TPO: variants seen among roughly 807,000 people sequenced by gnomAD.
TPO encodes the protein thyroid peroxidase.
Under a neutral mutation model 96.9 loss-of-function variants are expected in TPO, and 78 were observed. The observed-to-expected ratio is 0.81, with a 90% CI of 0.67 to 0.97. TPO has a LOEUF of 0.97. TPO is among the 50% of genes least tolerant of loss of function. TPO has a pLI of 0.00. For missense variants in TPO, 1,252 were observed against 1,274.8 expected (o/e 0.98, Z 0.27); for synonymous variants, 547 against 538.0 (o/e 1.02, Z -0.23).
intron 3 of TPO, 120 bp from the exon 4 acceptor site, chr2:1,433,318 C>T (rs892522956): frequency 7.7e-6 from 10 of 1,299,948 alleles, no homozygotes; most frequent in African/African-American, 4.4e-5. Context: ...CCCGCAGTGC[C>T]TGTCACATTG....
rs143045901 is a variant in TPO, at chr2:1,426,090, A to C, written c.179+2961A>C. Among the ~76,000 whole-genome samples, 89 of 145,332 alleles carry C rather than the reference A, an allele frequency of 6.1e-4. 6 individuals are homozygous for C. Among genetic ancestry groups the C allele is most frequent in the Middle Eastern group, 4.4e-3 (1 of 228 alleles). On this transcript the variant is annotated intron_variant, in intron 3 of 16. Transcript: ENST00000329066. The stretch of plus-strand genomic sequence containing the variant: ...TTCTAGATGCTGGGATACAGAGATG[A>C]GTTTGATCATTTCATATCCTCAGAA...
chr2:1,472,865 T>A (rs995622961), intron 7 of TPO, among the ~76,000 whole-genome samples: 1 of 141,110 alleles, frequency 7.1e-6, no homozygotes, highest in Admixed American at 7.5e-5. Context: ...GAGAGAGAGA[T>A]ATTTCGTTGT....
chr2:1,385,857 A>T (rs1248105816), intron 1 of TPO, among the ~76,000 whole-genome samples: 1 of 152,126 alleles, frequency 6.6e-6, no homozygotes, highest in East Asian at 1.9e-4. Context: ...ATTTAGTGCT[A>T]TAAATTTCCC....
chr2:1,480,738 T>TCATCCGTCCACACCACCTTC (rs1558338737), intron 8 of TPO, among the ~76,000 whole-genome samples: 1 of 56,308 alleles, frequency 1.8e-5, no homozygotes, highest in South Asian at 4.5e-4. Context: ...AAACCATGTT[T>TCATCCGTCCACACCACCTTC]CTCCTGCTGC....
intron 15 of TPO, among the ~76,000 whole-genome samples, chr2:1,532,919 C>A (rs1462915165): frequency 8.8e-6 from 1 of 114,242 alleles, no homozygotes. Flanking sequence ...TGTGCAACCT[C>A]GCAAAATCTC....
At chr2:1,501,941 A>T (rs1672914478) in intron 13 of TPO, among the ~76,000 whole-genome samples, 1 of 152,096 alleles carries the variant, frequency 6.6e-6, no homozygotes, top group African/African-American at 2.4e-5. Context: ...ACTCATAAGG[A>T]TGAGTCTGAA....
At position 1,423,149 on chromosome 2, in the gene TPO, C is replaced by T. The variant is rs1324569521; in HGVS notation, c.179+20C>T. 14 of 1,611,286 alleles carry T rather than the reference C, an allele frequency of 8.7e-6. No homozygotes were observed. Among genetic ancestry groups the T allele is most frequent in the South Asian group, 2.2e-5 (2 of 90,982 alleles). On this transcript the variant is annotated intron_variant, in intron 3 of 16. Transcript: ENST00000329066. Reference sequence around the variant, plus strand: ...GCAGAGGTGAGCCTTGCGGAGGGGCCGCCGCCCCAAATGCCACCGACAGGC... The same window carrying T: ...GCAGAGGTGAGCCTTGCGGAGGGGCTGCCGCCCCAAATGCCACCGACAGGC...
At chr2:1,408,319 C>T (rs903311030) in intron 1 of TPO, among the ~76,000 whole-genome samples, 1 of 152,204 alleles carries the variant, frequency 6.6e-6, no homozygotes, top group Non-Finnish European at 1.5e-5. Context: ...ATCAGCTCCT[C>T]TCCCTGTGAA....
chr2:1,420,273 G>T (rs1663373461), intron 2 of TPO, among the ~76,000 whole-genome samples: 1 of 152,184 alleles, frequency 6.6e-6, no homozygotes, highest in Non-Finnish European at 1.5e-5. Context: ...CCGTTTCCAA[G>T]CATAGTAGAG....
intron 3 of TPO, among the ~76,000 whole-genome samples, chr2:1,430,846 A>G (rs1238205374): frequency 6.6e-6 from 1 of 152,252 alleles, no homozygotes. Context: ...ATGGAAAAAT[A>G]TACCCAATGC....
chr2:1,397,491 AG>A (rs2148368247), intron 1 of TPO, among the ~76,000 whole-genome samples: 1 of 152,264 alleles, frequency 6.6e-6, no homozygotes, highest in South Asian at 2.1e-4. Context: ...TCCAGTGCAG[AG>A]GGACTCCCAT....
At chr2:1,531,546 ACT>A (rs1678251441) in intron 15 of TPO, among the ~76,000 whole-genome samples, 1 of 60,092 alleles carries the variant, frequency 1.7e-5, no homozygotes, top group Non-Finnish European at 3.3e-5. Context: ...AATCCCTCCC[ACT>A]CTGTGCAAAC....
intron 3 of TPO, among the ~76,000 whole-genome samples, chr2:1,427,120 C>T (rs1664495391): frequency 6.6e-6 from 1 of 152,236 alleles, no homozygotes; most frequent in Non-Finnish European, 1.5e-5. Context: ...TGTTTACGCT[C>T]ATTCCCTGAG....
intron 11 of TPO, among the ~76,000 whole-genome samples, chr2:1,494,289 C>T (rs1672103981): frequency 6.6e-6 from 1 of 152,220 alleles, no homozygotes; most frequent in Non-Finnish European, 1.5e-5. Context: ...TAGATCCAAC[C>T]ACACGAGCAA....
chr2:1,516,355 G>T (rs920150674), intron 14 of TPO, among the ~76,000 whole-genome samples: 2 of 152,210 alleles, frequency 1.3e-5, no homozygotes, highest in African/African-American at 4.8e-5. Flanking sequence ...TCCCCCCAGG[G>T]CTCCAGCTCT....
intron 1 of TPO, among the ~76,000 whole-genome samples, chr2:1,393,197 G>T (rs1662030285): frequency 1.3e-5 from 2 of 152,178 alleles, no homozygotes; most frequent in African/African-American, 4.8e-5. Context: ...CGTCTCACAA[G>T]GTGGGAGCAG....
chr2:1,461,709 C>A (rs1338385108), intron 7 of TPO, among the ~76,000 whole-genome samples: 14 of 152,188 alleles, frequency 9.2e-5, no homozygotes, highest in Admixed American at 9.2e-4. Flanking sequence ...CCCATACACA[C>A]ACGTGCACAC....
At chr2:1,440,046 ACACCTTCC>A (rs1275028522) in intron 5 of TPO, among the ~76,000 whole-genome samples, 1 of 151,774 alleles carries the variant, frequency 6.6e-6, no homozygotes, top group Non-Finnish European at 1.5e-5. Context: ...TTCCCCACCC[ACACCTTCC>A]CATCCTTGTC....
At chr2:1,432,054 C>T (rs1665030085) in intron 3 of TPO, among the ~76,000 whole-genome samples, 2 of 152,270 alleles carry the variant, frequency 1.3e-5, no homozygotes, top group Non-Finnish European at 2.9e-5. Flanking sequence ...GTGCTGGCCT[C>T]CTGTCAGCTG....
Sources: allele counts gnomAD v4.1 joint callset (sites outside exome capture counted in the v4.1 genomes callset), GRCh38; gene constraint gnomAD v4.1.1; transcripts MANE v1.5; gene names NCBI Gene and HGNC (gene_info 2026-07-23, HGNC 2026-07-21).